The following SCO1 variants were observed in gnomAD, a reference collection of about 807,000 sequenced individuals.
The protein encoded by SCO1 is synthesis of cytochrome C oxidase 1.
A neutral mutation model predicts 34.0 loss-of-function variants in SCO1; 23 were observed. The observed-to-expected ratio is 0.68, with a 90% confidence interval of 0.49 to 0.96. The LOEUF (loss-of-function observed/expected upper bound fraction) is 0.96. Ranked by LOEUF, SCO1 falls within the 40% of genes least tolerant of loss-of-function variation. SCO1 has a pLI of 0.00. For synonymous variants in SCO1, 161 were observed against 145.5 expected (o/e 1.11, Z -0.77); for missense variants, 404 against 381.6 (o/e 1.06, Z -0.49).
In SCO1 at chr17:10,686,150, G is replaced by A. The variant is rs532142410; in HGVS notation, c.771+577C>T. On this transcript the variant is annotated intron_variant, in intron 5 of 5. Transcript: ENST00000255390. ...CCAGCTACGCGAGAGGCTGAGGGAG[G>A]AGAATTGCTTGAATCCGGGAGGCGG... 5.3e-5 allele frequency among the ~76,000 whole-genome samples: 8 copies of A among 152,346 alleles called. No homozygotes were observed. The South Asian group carries it at 1.0e-3, about 20-fold the overall frequency.
rs2074607873 is a variant in SCO1, at chr17:10,679,700, T to A, written c.*1419A>T. On this transcript the variant is annotated 3_prime_UTR_variant, in exon 6 of 6. Transcript: ENST00000255390. ...AGCCAAGATTCATTCTATCACTCAA[T>A]AATCATTTTCTTCAATGGCTGACAC... The A allele has an allele frequency of 6.6e-6, 1 of 152,164 alleles. No individual in the cohort carries two copies. Among genetic ancestry groups the A allele is most frequent in the South Asian group, 2.1e-4 (1 of 4,836 alleles). 9.4% of individuals were successfully genotyped at this position (152,164 alleles called of 1,614,324 possible). A position where few individuals can be genotyped will look rare whatever the true frequency, so the allele number is the denominator to read the frequency against.
rs914541673 is a variant in SCO1 at position 10,672,531 on chromosome 17, C to A, written c.*8588G>T. ...TATTACAATTCACCCTTTTAAAGTG[C>A]GCAGTTCAGTGAGTTTTCACAGATG... On this transcript the variant is annotated 3_prime_UTR_variant, in exon 6 of 6. Transcript: ENST00000255390. 2.0e-5 allele frequency: 3 copies of A among 151,990 alleles called. No homozygotes were observed. Among genetic ancestry groups the A allele is most frequent in the South Asian group, 2.1e-4 (1 of 4,808 alleles). The allele number at this position is 151,990 out of a possible 1,614,324, so 9.4% of individuals were successfully genotyped here. A position where few individuals can be genotyped will look rare whatever the true frequency, so the allele number is the denominator to read the frequency against.
In SCO1 at chr17:10,692,900, G is replaced by A. The variant is rs756544889; in HGVS notation, c.426C>T (p.Leu142=). ...GKPLLGGPFS[L]TTHTGERKTD... The stretch of plus-strand genomic sequence containing the variant: ...TTTTACGCTCCCCAGTATGAGTTGT[G>A]AGGGAAAACGGTCCCCCAAGTAAAG... Residue 142 remains leucine, a synonymous_variant, in exon 3 of 6, where the codon CTC becomes CTT. Transcript: ENST00000255390. The A allele has an allele frequency of 2.5e-6, 4 of 1,614,152 alleles. No homozygotes were observed. The highest frequency in any genetic ancestry group is 1.7e-5 in the Admixed American group (1 of 60,018).
intron 5 of SCO1, chr17:10,683,895 C>G (rs928495209): frequency 6.6e-6 from 1 of 152,132 alleles, no homozygotes; most frequent in Admixed American, 6.6e-5. Flanking sequence ...TCCATTACAT[C>G]TCAACATTAA....
At chr17:10,697,118 T>C in intron 1 of SCO1, 117 bp downstream of exon 1, 4 of 1,031,538 alleles carry the variant, frequency 3.9e-6, no homozygotes, top group Non-Finnish European at 5.5e-6. Flanking sequence ...GCGCGCAAGC[T>C]AAGGACAACT....
rs2074575390 is a variant in SCO1 at position 10,675,587 on chromosome 17, T to A, written c.*5532A>T. On this transcript the variant is annotated 3_prime_UTR_variant, in exon 6 of 6. Transcript: ENST00000255390. ...TGAACATTTCAATGGCTCTGGAAGC[T>A]CTCCTGGCACCCCCTTCTGAATTAC... 2 of 152,198 alleles carry A rather than the reference T, an allele frequency of 1.3e-5. No homozygotes were observed. 9.4% of individuals were successfully genotyped at this position (152,198 alleles called of 1,614,324 possible).
In SCO1 at chr17:10,678,377, C is replaced by T. The variant is rs888877491; in HGVS notation, c.*2742G>A. 4 of 152,204 alleles carry T rather than the reference C, an allele frequency of 2.6e-5. No individual in the cohort carries two copies. The highest frequency in any genetic ancestry group is 9.7e-5 in the African/African-American group (4 of 41,440). 9.4% of individuals were successfully genotyped at this position (152,204 alleles called of 1,614,324 possible). On this transcript the variant is annotated 3_prime_UTR_variant, in exon 6 of 6. Coordinates refer to ENST00000255390, the MANE Select transcript of SCO1 (RefSeq NM_004589.4). Reference sequence around the variant, plus strand: ...ACCTCTAAGGTCCCCTTCCCCACTTCTAACATTCTGACTTCAAGCCTTTAA... The same window carrying T: ...ACCTCTAAGGTCCCCTTCCCCACTTTTAACATTCTGACTTCAAGCCTTTAA...
At chr17:10,683,612 A>C (rs2074635770) in intron 5 of SCO1, among the ~76,000 whole-genome samples, 1 of 152,160 alleles carries the variant, frequency 6.6e-6, no homozygotes, top group Non-Finnish European at 1.5e-5. Context: ...GCCAAGAGAA[A>C]AATGTTACCT....
chr17:10,692,984 G>T (rs375955560), intron 2 of SCO1, 23 bp from the exon 3 acceptor site: 1 of 1,608,738 alleles, frequency 6.2e-7, no homozygotes, highest in Admixed American at 1.7e-5. Flanking sequence ...AAAACATATC[G>T]ACACCAAAAA....
Position 10,674,289 on chromosome 17 carries a change from G to C in SCO1, c.*6830C>G, listed in dbSNP as rs1322384208. ...AATTACCATGCACGCCACCGGGCAT[G>C]GTGGCGGGCGCCTGTAATCCCAGCT... On this transcript the variant is annotated 3_prime_UTR_variant, in exon 6 of 6. Transcript: ENST00000255390. The C allele has an allele frequency of 6.1e-6, 1 of 163,898 alleles. No individual in the cohort carries two copies. The allele number at this position is 163,898 out of a possible 1,614,324, so 10.2% of individuals were successfully genotyped here.
At chr17:10,689,622 T>C (rs1469872110) in intron 4 of SCO1, among the ~76,000 whole-genome samples, 1 of 152,232 alleles carries the variant, frequency 6.6e-6, no homozygotes, top group Non-Finnish European at 1.5e-5. Flanking sequence ...TCTTTAAAAG[T>C]GCCTAACAGC....
intron 3 of SCO1, 92 bp from the exon 4 acceptor site, chr17:10,692,056 C>T: frequency 1.1e-6 from 1 of 893,292 alleles, no homozygotes; most frequent in Admixed American, 1.8e-5. Flanking sequence ...ACGTGCTGGA[C>T]AGCTAGGTGT....
intron 4 of SCO1, among the ~76,000 whole-genome samples, chr17:10,689,769 A>G (rs1597508534): frequency 6.6e-6 from 1 of 152,212 alleles, no homozygotes. Context: ...TCTTAAGCAA[A>G]AAGAACAAAG....
chr17:10,696,919 T>C (rs1345539604), intron 1 of SCO1, among the ~76,000 whole-genome samples: 1 of 152,116 alleles, frequency 6.6e-6, no homozygotes, highest in Non-Finnish European at 1.5e-5. Context: ...CGGTAAACTT[T>C]AGGTTCATAC....
chr17:10,695,680 G>C (rs551268234), intron 2 of SCO1, 61 bp downstream of exon 2: 13 of 1,208,000 alleles, frequency 1.1e-5, no homozygotes, highest in African/African-American at 4.5e-5. Flanking sequence ...CAACAAAAAA[G>C]GTGCTAGTCC....
intron 1 of SCO1, among the ~76,000 whole-genome samples, chr17:10,696,454 A>G (rs2074727516): frequency 6.6e-6 from 1 of 152,106 alleles, no homozygotes; most frequent in South Asian, 2.1e-4. Flanking sequence ...CAAAACAAAA[A>G]CCAAAATCCA....
chr17:10,682,739 G>A (rs1427539486), intron 5 of SCO1, among the ~76,000 whole-genome samples: 1 of 152,172 alleles, frequency 6.6e-6, no homozygotes, highest in Non-Finnish European at 1.5e-5. Context: ...GTCTACAGAG[G>A]TCTTCCAAGT....
intron 5 of SCO1, among the ~76,000 whole-genome samples, chr17:10,682,282 G>C (rs922719802): frequency 6.6e-6 from 1 of 152,160 alleles, no homozygotes; most frequent in Non-Finnish European, 1.5e-5. Flanking sequence ...ATGTCTGTGA[G>C]GGTATTATTT....
chr17:10,684,844 C>T (rs905636725), intron 5 of SCO1, among the ~76,000 whole-genome samples: 8 of 152,352 alleles, frequency 5.3e-5, no homozygotes, highest in Admixed American at 1.3e-4. Context: ...CACTGTGGCT[C>T]TCTGCTCTTC....
Sources: gnomAD v4.1 joint callset for allele counts (sites outside exome capture counted in the v4.1 genomes callset) on GRCh38, gnomAD v4.1.1 for gene constraint, MANE v1.5 for transcripts, NCBI Gene and HGNC (gene_info 2026-07-23, HGNC 2026-07-21) for gene names.